Variants in KCNIP1 observed in about 807,000 individuals in gnomAD.
KCNIP1 encodes the protein potassium voltage-gated channel interacting protein 1, also known as A-type potassium channel modulatory protein KCNIP1.
Under a neutral mutation model 33.0 loss-of-function variants are expected in KCNIP1, and 18 were observed. The ratio of observed to expected loss-of-function variants is 0.55; its 90% CI spans 0.38 to 0.81. The LOEUF (loss-of-function observed/expected upper bound fraction) is 0.81. KCNIP1 is among the 30% of genes least tolerant of loss of function. The pLI is 0.00. For missense variants in KCNIP1, 238 were observed against 271.6 expected, an observed-to-expected ratio of 0.88 and a Z score of 0.87; for synonymous variants, 93 against 98.3, an observed-to-expected ratio of 0.95 and a Z score of 0.32.
At chr5:170,650,000 G>A (rs1486795861) in intron 1 of KCNIP1, among the ~76,000 whole-genome samples, 2 of 152,128 alleles carry the variant, frequency 1.3e-5, no homozygotes, top group Non-Finnish European at 2.9e-5. Context: ...GGGTGCCCTG[G>A]GGAGCCCTCT....
At chr5:170,463,483 T>C (rs1187499016) in intron 1 of KCNIP1, among the ~76,000 whole-genome samples, 5 of 152,098 alleles carry the variant, frequency 3.3e-5, no homozygotes, top group East Asian at 3.8e-4. Flanking sequence ...CATGACCAAA[T>C]AGGATTTATC....
intron 1 of KCNIP1, chr5:170,375,767 A>T (rs1763973754): frequency 6.6e-6 from 1 of 152,264 alleles, no homozygotes; most frequent in Non-Finnish European, 1.5e-5. Flanking sequence ...AGTAACTTAG[A>T]TAGCACTTAC....
intron 1 of KCNIP1, among the ~76,000 whole-genome samples, chr5:170,659,113 C>A (rs577636569): frequency 6.6e-6 from 1 of 152,266 alleles, no homozygotes; most frequent in African/African-American, 2.4e-5. Flanking sequence ...TTCTTGCCTG[C>A]GTTCCTTTAA....
intron 7 of KCNIP1, 121 bp downstream of exon 7, chr5:170,734,019 C>T: frequency 2.9e-6 from 2 of 690,424 alleles, no homozygotes; most frequent in South Asian, 1.8e-5. Context: ...CCCATCAGAG[C>T]CAACAACACC....
intron 1 of KCNIP1, among the ~76,000 whole-genome samples, chr5:170,461,609 G>A (rs531001159): frequency 6.6e-6 from 1 of 152,214 alleles, no homozygotes; most frequent in South Asian, 2.1e-4. Flanking sequence ...AATTAGCCAG[G>A]TGTGGTGGCA....
Position 170,394,144 on chromosome 5 carries a change from G to T in KCNIP1, c.88+40180G>T, listed in dbSNP as rs533825179. 7.2e-5 allele frequency among the ~76,000 whole-genome samples: 11 copies of T among 152,216 alleles called. No individual in the cohort carries two copies. In the South Asian group the frequency reaches 2.3e-3, roughly 32 times the overall value. ...CATGGCACATGTCTCCTCTGTCCTT[G>T]CCTCCTGGCCAGCTCTTCCTCTTCC... On this transcript the variant is annotated intron_variant, in intron 1 of 7. Transcript: ENST00000377360.
intron 1 of KCNIP1, among the ~76,000 whole-genome samples, chr5:170,393,255 C>A (rs1320230100): frequency 6.6e-6 from 1 of 152,176 alleles, no homozygotes; most frequent in Admixed American, 6.5e-5. Flanking sequence ...AGTCTGTACC[C>A]CTCTCTGGAT....
chr5:170,469,670 A>C (rs1309423861), intron 1 of KCNIP1, among the ~76,000 whole-genome samples: 2 of 152,068 alleles, frequency 1.3e-5, no homozygotes, highest in African/African-American at 2.4e-5. Context: ...CAGTTCTCAT[A>C]TCTCTTACTC....
intron 1 of KCNIP1, among the ~76,000 whole-genome samples, chr5:170,493,614 C>T (rs371019792): frequency 2.5e-4 from 38 of 152,248 alleles, no homozygotes; most frequent in African/African-American, 8.7e-4. Flanking sequence ...ACCAGGGCAC[C>T]CTTATGAGAG....
At chr5:170,555,525 C>T (rs565040146) in intron 1 of KCNIP1, among the ~76,000 whole-genome samples, 58 of 152,278 alleles carry the variant, frequency 3.8e-4, no homozygotes, top group Non-Finnish European at 6.8e-4. Flanking sequence ...GAATTCCGAC[C>T]AAGAGCTAGC....
At chr5:170,517,560 AG>A (rs869162731) in intron 1 of KCNIP1, among the ~76,000 whole-genome samples, 1 of 133,660 alleles carries the variant, frequency 7.5e-6, no homozygotes, top group Non-Finnish European at 1.7e-5. Flanking sequence ...GTTGATTATA[AG>A]GGTGGTGGTG....
intron 1 of KCNIP1, among the ~76,000 whole-genome samples, chr5:170,714,011 C>A (rs1195373441): frequency 2.7e-5 from 4 of 146,780 alleles, no homozygotes; most frequent in South Asian, 2.2e-4. Context: ...GCAACAAGAG[C>A]AAAAATCCAT....
intron 1 of KCNIP1, among the ~76,000 whole-genome samples, chr5:170,692,027 A>G (rs1762739633): frequency 6.6e-6 from 1 of 152,246 alleles, no homozygotes; most frequent in Admixed American, 6.5e-5. Flanking sequence ...CCAGGGAGAC[A>G]TTCACAGATG....
chr5:170,476,656 G>A (rs962604850), intron 1 of KCNIP1, among the ~76,000 whole-genome samples: 6 of 152,084 alleles, frequency 3.9e-5, no homozygotes, highest in Admixed American at 6.5e-5. Context: ...AAATGGCTGC[G>A]GGCCTGAAAT....
chr5:170,474,179 A>T (rs1756798498), intron 1 of KCNIP1, among the ~76,000 whole-genome samples: 1 of 152,234 alleles, frequency 6.6e-6, no homozygotes, highest in South Asian at 2.1e-4. Context: ...AGGGCTGCTC[A>T]GAGACAGCTT....
chr5:170,580,894 T>C (rs956597361), intron 1 of KCNIP1, among the ~76,000 whole-genome samples: 4 of 152,190 alleles, frequency 2.6e-5, no homozygotes, highest in African/African-American at 9.7e-5. Flanking sequence ...CAGGCTGCCT[T>C]GGAAAGTAGT....
chr5:170,647,826 A>T (rs1480210125), intron 1 of KCNIP1, among the ~76,000 whole-genome samples: 1 of 152,238 alleles, frequency 6.6e-6, no homozygotes. Flanking sequence ...CAATGTTAAG[A>T]GAATGAGAAA....
chr5:170,537,672 A>G (rs1002929489), intron 1 of KCNIP1, among the ~76,000 whole-genome samples: 2 of 151,804 alleles, frequency 1.3e-5, no homozygotes, highest in Non-Finnish European at 2.9e-5. Flanking sequence ...CGAGGTGTCA[A>G]CTCCCAGGCT....
intron 1 of KCNIP1, among the ~76,000 whole-genome samples, chr5:170,457,220 C>T (rs74334276): frequency 5.4e-5 from 7 of 129,130 alleles, no homozygotes; most frequent in South Asian, 2.7e-4. Flanking sequence ...ACACAAACTA[C>T]AAAAACTGAC....
Sources: gnomAD v4.1 joint callset for allele counts (sites outside exome capture counted in the v4.1 genomes callset) on GRCh38, gnomAD v4.1.1 for gene constraint, MANE v1.5 for transcripts, NCBI Gene and HGNC (gene_info 2026-07-23, HGNC 2026-07-21) for gene names.